CDH8: variants seen among roughly 807,000 people sequenced by gnomAD.
CDH8 encodes cadherin-8.
In CDH8, 17 loss-of-function variants were observed where a neutral mutation model predicts 68.1. That is an observed-to-expected ratio of 0.25 (90% confidence interval 0.17 to 0.37). CDH8 has a LOEUF of 0.37. CDH8 is among the 10% of genes least tolerant of loss of function. The pLI, the probability that CDH8 is intolerant of heterozygous loss-of-function variation, is 1.00. For missense variants in CDH8, 763 were observed against 999.3 expected (o/e 0.76, Z 3.19); for synonymous variants, 372 against 365.1 (o/e 1.02, Z -0.21).
chr16:61,986,667 C>T (rs1965634128), intron 2 of CDH8, among the ~76,000 whole-genome samples: 2 of 152,106 alleles, frequency 1.3e-5, no homozygotes, highest in African/African-American at 4.8e-5. Flanking sequence ...TTATGTAGAG[C>T]AGAGGAGGGC....
chr16:61,983,778 A>G (rs2150584287), intron 2 of CDH8, among the ~76,000 whole-genome samples: 1 of 152,334 alleles, frequency 6.6e-6, no homozygotes, highest in Non-Finnish European at 1.5e-5. Flanking sequence ...AAAGTCCAAG[A>G]TCAGGATAAC....
chr16:61,953,832 G>A (rs1279773867), intron 2 of CDH8, among the ~76,000 whole-genome samples: 1 of 148,674 alleles, frequency 6.7e-6, no homozygotes, highest in Non-Finnish European at 1.5e-5. Flanking sequence ...TTGTGGGATT[G>A]TGCCACTGTA....
chr16:61,997,710 C>A (rs1226047102), intron 2 of CDH8, among the ~76,000 whole-genome samples: 1 of 152,074 alleles, frequency 6.6e-6, no homozygotes, highest in East Asian at 1.9e-4. Context: ...ATAAACCAAC[C>A]TCACGTAACT....
chr16:61,661,400 G>A (rs1280674096), intron 10 of CDH8, among the ~76,000 whole-genome samples: 1 of 151,896 alleles, frequency 6.6e-6, no homozygotes, highest in Non-Finnish European at 1.5e-5. Flanking sequence ...AAAGTAGGTT[G>A]TCTGACCACA....
intron 2 of CDH8, among the ~76,000 whole-genome samples, chr16:61,904,499 G>T (rs898967844): frequency 6.6e-6 from 1 of 152,218 alleles, no homozygotes; most frequent in African/African-American, 2.4e-5. Context: ...AGGGCAGGAG[G>T]TGAGCAGCAG....
At chr16:61,747,685 T>A (rs914217631) in intron 8 of CDH8, among the ~76,000 whole-genome samples, 5 of 151,970 alleles carry the variant, frequency 3.3e-5, no homozygotes, top group African/African-American at 1.2e-4. Flanking sequence ...TGAATTAATG[T>A]AGGATGGGAA....
intron 2 of CDH8, among the ~76,000 whole-genome samples, chr16:61,976,517 T>A (rs1359622097): frequency 6.6e-6 from 1 of 151,936 alleles, no homozygotes; most frequent in Non-Finnish European, 1.5e-5. Flanking sequence ...AGAGGCAGAG[T>A]TGTTACCAAG....
chr16:61,763,985 G>C (rs1194969777), intron 8 of CDH8, among the ~76,000 whole-genome samples: 1 of 152,044 alleles, frequency 6.6e-6, no homozygotes. Flanking sequence ...TGATAGCCTT[G>C]GATATTCAAA....
At chr16:61,795,021 C>T (rs1961464372) in intron 7 of CDH8, among the ~76,000 whole-genome samples, 1 of 151,910 alleles carries the variant, frequency 6.6e-6, no homozygotes, top group Non-Finnish European at 1.5e-5. Context: ...TTTTCTGGTC[C>T]TCACAGCTGC....
chr16:61,672,762 T>C (rs915842116), intron 10 of CDH8, among the ~76,000 whole-genome samples: 1 of 152,012 alleles, frequency 6.6e-6, no homozygotes, highest in Non-Finnish European at 1.5e-5. Context: ...AATATATATG[T>C]TAAGATAAAA....
intron 10 of CDH8, among the ~76,000 whole-genome samples, chr16:61,679,879 A>G (rs905748637): frequency 1.3e-5 from 2 of 151,956 alleles, no homozygotes; most frequent in Non-Finnish European, 2.9e-5. Context: ...ATTGTAGTCT[A>G]TGCCATGGTT....
intron 2 of CDH8, among the ~76,000 whole-genome samples, chr16:61,967,944 G>C (rs929478499): frequency 6.6e-6 from 1 of 152,132 alleles, no homozygotes; most frequent in Admixed American, 6.5e-5. Context: ...TAGTAGCTGG[G>C]ATTACAGGCG....
In CDH8 at chr16:61,748,365, T is replaced by A. The variant is rs116761444; in HGVS notation, c.1415-21150A>T. 8.5e-3 allele frequency among the ~76,000 whole-genome samples: 1,294 copies of A among 152,104 alleles called. 21 individuals carry two copies. The highest frequency in any genetic ancestry group is 0.029 in the African/African-American group (1,214 of 41,530). On this transcript the variant is annotated intron_variant, in intron 8 of 11. Transcript: ENST00000577390. ...TCATAAACACTTAACATATGATAAT[T>A]CTATTTTCCAAGGTAACTTTCCAAC...
chr16:61,829,745 C>G (rs1022381936), intron 4 of CDH8, among the ~76,000 whole-genome samples: 1 of 151,816 alleles, frequency 6.6e-6, no homozygotes, highest in African/African-American at 2.4e-5. Context: ...TTAGAACACA[C>G]AGTGCAGTTA....
At chr16:61,800,937 A>T (rs1042498238) in intron 7 of CDH8, among the ~76,000 whole-genome samples, 2 of 152,180 alleles carry the variant, frequency 1.3e-5, no homozygotes, top group Admixed American at 1.3e-4. Context: ...TCAGATAAGG[A>T]TGTCAATCTC....
chr16:61,954,099 A>C (rs2143601550), intron 2 of CDH8, among the ~76,000 whole-genome samples: 1 of 151,986 alleles, frequency 6.6e-6, no homozygotes, highest in East Asian at 2.0e-4. Flanking sequence ...GCAATGTATA[A>C]TTGCCAGATT....
At chr16:61,894,716 G>A (rs1963840426) in intron 3 of CDH8, among the ~76,000 whole-genome samples, 1 of 152,044 alleles carries the variant, frequency 6.6e-6, no homozygotes, top group Non-Finnish European at 1.5e-5. Flanking sequence ...TTTTACACAA[G>A]GAGAAAGACT....
At chr16:61,750,963 T>C (rs1221526412) in intron 8 of CDH8, among the ~76,000 whole-genome samples, 1 of 152,134 alleles carries the variant, frequency 6.6e-6, no homozygotes, top group African/African-American at 2.4e-5. Flanking sequence ...TTGCCTAATG[T>C]ATTAAAGCAA....
intron 2 of CDH8, among the ~76,000 whole-genome samples, chr16:62,003,863 A>G (rs1965932748): frequency 6.6e-6 from 1 of 152,222 alleles, no homozygotes; most frequent in African/African-American, 2.4e-5. Flanking sequence ...GTAAGTACCA[A>G]TTAAAGATAT....
Sources: gnomAD v4.1 joint callset for allele counts (sites outside exome capture counted in the v4.1 genomes callset) on GRCh38, gnomAD v4.1.1 for gene constraint, MANE v1.5 for transcripts, NCBI Gene and HGNC (gene_info 2026-07-23, HGNC 2026-07-21) for gene names.